DAPK2: variants seen among roughly 807,000 people sequenced by gnomAD.
The protein encoded by DAPK2 is death associated protein kinase 2.
Under a neutral mutation model 44.1 loss-of-function variants are expected in DAPK2, and 35 were observed. The observed-to-expected ratio is 0.79, with a 90% CI of 0.61 to 1.05. The LOEUF (loss-of-function observed/expected upper bound fraction) is 1.05. DAPK2 is among the 50% of genes least tolerant of loss of function. DAPK2 has a pLI of 0.00. For missense variants in DAPK2, 453 were observed against 483.2 expected (o/e 0.94, Z 0.59); for synonymous variants, 174 against 182.6 (o/e 0.95, Z 0.38).
At chr15:64,002,109 G>T (rs2079100302) in intron 1 of DAPK2, among the ~76,000 whole-genome samples, 1 of 152,228 alleles carries the variant, frequency 6.6e-6, no homozygotes. Context: ...CATGGGGACA[G>T]GTATTGCCAA....
intron 7 of DAPK2, among the ~76,000 whole-genome samples, 158 bp downstream of exon 8, chr15:63,925,783 C>T (rs1383461993): frequency 1.3e-5 from 2 of 151,902 alleles, no homozygotes; most frequent in South Asian, 2.1e-4. Flanking sequence ...ATGAATGCCA[C>T]GTCTTGGCTA....
At chr15:64,005,338 G>A (rs936989327) in intron 1 of DAPK2, among the ~76,000 whole-genome samples, 22 of 151,316 alleles carry the variant, frequency 1.5e-4, no homozygotes, top group African/African-American at 5.1e-4. Context: ...GTGTGAGGTT[G>A]TGTGTTTGAT....
intron 1 of DAPK2, among the ~76,000 whole-genome samples, chr15:64,007,379 G>T (rs921679068): frequency 6.6e-6 from 1 of 151,614 alleles, no homozygotes; most frequent in African/African-American, 2.4e-5. Context: ...GTTCCCCCCA[G>T]TCTTCCTTCC....
chr15:63,985,626 A>G (rs886390070), intron 1 of DAPK2, among the ~76,000 whole-genome samples: 1 of 152,214 alleles, frequency 6.6e-6, no homozygotes, highest in Non-Finnish European at 1.5e-5. Flanking sequence ...GGTAAGGGAT[A>G]CACTTAGGTT....
intron 8 of DAPK2, chr15:63,920,487 T>C (rs1424084322): frequency 6.6e-6 from 1 of 152,178 alleles, no homozygotes; most frequent in Non-Finnish European, 1.5e-5. Flanking sequence ...GCCTTTTTTC[T>C]TAGTGGTCCA....
intron 7 of DAPK2, 73 bp downstream of exon 8, chr15:63,925,868 C>T (rs2079242761): frequency 8.2e-6 from 13 of 1,583,726 alleles, no homozygotes; most frequent in East Asian, 4.5e-5. Context: ...TGGGGACATA[C>T]TGACAGGTCT....
chr15:64,035,998 G>A (rs777803548), intron 1 of DAPK2, among the ~76,000 whole-genome samples: 3 of 152,092 alleles, frequency 2.0e-5, no homozygotes, highest in African/African-American at 4.8e-5. Context: ...CCAGGCCAGG[G>A]CAAGAAGTAG....
chr15:64,043,839 G>GTGAC (rs1347237856), upstream of DAPK2, among the ~76,000 whole-genome samples: 1 of 152,168 alleles, frequency 6.6e-6, no homozygotes. Context: ...GGCAAGAATT[G>GTGAC]TGACATTCCT....
chr15:63,950,554 C>G (rs2077559408), intron 3 of DAPK2, among the ~76,000 whole-genome samples: 1 of 151,990 alleles, frequency 6.6e-6, no homozygotes, highest in African/African-American at 2.4e-5. Flanking sequence ...AAAAAAACAA[C>G]TATTAGAAAG....
chr15:64,032,303 G>A (rs2080038866), intron 1 of DAPK2, among the ~76,000 whole-genome samples: 1 of 152,218 alleles, frequency 6.6e-6, no homozygotes. Flanking sequence ...GAGTCACCGT[G>A]TTTGATCTGG....
intron 2 of DAPK2, among the ~76,000 whole-genome samples, chr15:63,978,165 T>C (rs1234926585): frequency 6.6e-6 from 1 of 152,214 alleles, no homozygotes; most frequent in Non-Finnish European, 1.5e-5. Context: ...CTGTATCATA[T>C]AGACAGTGAA....
intron 3 of DAPK2, among the ~76,000 whole-genome samples, chr15:63,953,511 C>T (rs1334587490): frequency 2.6e-5 from 4 of 152,120 alleles, no homozygotes; most frequent in Non-Finnish European, 4.4e-5. Flanking sequence ...TTTCTTTATC[C>T]ATTTGTCTGC....
intron 8 of DAPK2, chr15:63,921,207 T>C (rs1002373430): frequency 2.0e-5 from 3 of 152,220 alleles, no homozygotes; most frequent in Non-Finnish European, 4.4e-5. Flanking sequence ...AATTTATAAA[T>C]GGATGGATGA....
chr15:64,005,848 G>A (rs1187618983), intron 1 of DAPK2, among the ~76,000 whole-genome samples: 2 of 151,988 alleles, frequency 1.3e-5, no homozygotes, highest in African/African-American at 4.8e-5. Flanking sequence ...GGGCAACATA[G>A]TGAGATCCTG....
At chr15:63,958,111 T>C (rs916149078) in intron 3 of DAPK2, among the ~76,000 whole-genome samples, 1 of 152,212 alleles carries the variant, frequency 6.6e-6, no homozygotes, top group Non-Finnish European at 1.5e-5. Flanking sequence ...TGGCCAGTGA[T>C]GATGAGCATT....
At chr15:63,930,187 T>C (rs2079492148) in intron 5 of DAPK2, among the ~76,000 whole-genome samples, 1 of 152,210 alleles carries the variant, frequency 6.6e-6, no homozygotes, top group Middle Eastern at 3.2e-3. Flanking sequence ...CTGACAAAGC[T>C]CTGACCTGGC....
rs2078068217 is a variant in DAPK2, at chr15:63,966,895, T to C, written c.453+4528A>G. Among the ~76,000 whole-genome samples the C allele has an allele frequency of 6.6e-6, 1 of 152,126 alleles. No homozygotes were observed. Among genetic ancestry groups the C allele is most frequent in the Non-Finnish European group, 1.5e-5 (1 of 68,006 alleles). ...GTGATATGAAATTAAAACCAGGTACTGTGGGCCGGGCGCAGTGGCTCACAC... is the reference window on the plus strand; with the variant it reads ...GTGATATGAAATTAAAACCAGGTACCGTGGGCCGGGCGCAGTGGCTCACAC... On this transcript the variant is annotated intron_variant, in intron 3 of 10. Coordinates refer to ENST00000261891, the Ensembl canonical transcript of DAPK2. The surrounding 1 kb of genome is among the most constrained non-coding windows in gnomAD (Gnocchi z 5.5).
At chr15:63,963,157 G>A (rs759346559) in intron 3 of DAPK2, among the ~76,000 whole-genome samples, 34 of 152,196 alleles carry the variant, frequency 2.2e-4, no homozygotes, top group African/African-American at 7.7e-4. Context: ...AGCCAGGCAC[G>A]GGATACAATC....
At chr15:64,027,519 G>A (rs865856938) in intron 1 of DAPK2, among the ~76,000 whole-genome samples, 2 of 152,070 alleles carry the variant, frequency 1.3e-5, no homozygotes, top group African/African-American at 2.4e-5. Flanking sequence ...CCATGATCAC[G>A]CCACTGCCCT....
Sources: gnomAD v4.1 joint callset for allele counts (sites outside exome capture counted in the v4.1 genomes callset) on GRCh38, gnomAD v4.1.1 for gene constraint, Gnocchi (gnomAD v3.1) non-coding constraint, MANE v1.5 for transcripts, NCBI Gene and HGNC (gene_info 2026-07-23, HGNC 2026-07-21) for gene names.